The following ELMOD1 variants were observed in gnomAD, a reference collection of about 807,000 sequenced individuals.
ELMOD1 encodes ELMO domain containing 1.
In ELMOD1, 21 loss-of-function variants were observed where a neutral mutation model predicts 46.7. That is an observed-to-expected ratio of 0.45 (90% CI 0.32 to 0.65). The LOEUF is 0.65. Ranked by LOEUF, ELMOD1 falls within the 30% of genes least tolerant of loss-of-function variation. The pLI, the probability that ELMOD1 is intolerant of heterozygous loss-of-function variation, is 0.04. For synonymous variants in ELMOD1, 122 were observed against 138.2 expected (o/e 0.88, Z 0.82); for missense variants, 348 against 407.8 (o/e 0.85, Z 1.26).
chr11:107,609,003 G>A (rs1158774013), intron 1 of ELMOD1, among the ~76,000 whole-genome samples: 2 of 152,210 alleles, frequency 1.3e-5, no homozygotes, highest in African/African-American at 4.8e-5. Context: ...GAAAGGGTTT[G>A]AATCTCTGCC....
At chr11:107,655,573 CT>C (rs746890763) in intron 10 of ELMOD1, among the ~76,000 whole-genome samples, 111 of 112,424 alleles carry the variant, frequency 9.9e-4, no homozygotes, top group Middle Eastern at 0.011. Context: ...ATTGAAATGC[CT>C]TTTTTTTTTT....
chr11:107,659,431 T>C lies in ELMOD1; in HGVS notation c.832+3365T>C, dbSNP rs929072644. On this transcript the variant is annotated intron_variant, in intron 11 of 11. Coordinates refer to ENST00000265840, the MANE Select transcript of ELMOD1 (RefSeq NM_018712.4). ...AGTGGGCATTCTCATAATGTAGGGC[T>C]CTGGAGTGCTGAAGGATTAGAAAGG... Among the ~76,000 whole-genome samples the C allele has an allele frequency of 2.6e-4, 40 of 152,012 alleles. 1 individual carries two copies. The highest frequency in any genetic ancestry group is 9.7e-4 in the African/African-American group (40 of 41,384).
intron 1 of ELMOD1, among the ~76,000 whole-genome samples, chr11:107,601,310 C>T (rs907392991): frequency 4.0e-5 from 6 of 150,076 alleles, no homozygotes; most frequent in Admixed American, 2.0e-4. Flanking sequence ...TTTATTTTGA[C>T]AGTGTAAATT....
chr11:107,660,722 G>T (rs1866724829), intron 11 of ELMOD1, among the ~76,000 whole-genome samples: 1 of 152,168 alleles, frequency 6.6e-6, no homozygotes, highest in Admixed American at 6.5e-5. Context: ...TAATATCTGT[G>T]TTACCTACTC....
In ELMOD1 at chr11:107,630,275, T is replaced by C. The variant is rs1252064630; in HGVS notation, c.18-142T>C. On this transcript the variant is annotated intron_variant, in intron 2 of 11. Transcript: ENST00000265840. The stretch of plus-strand genomic sequence containing the variant: ...TGTAGCTACTGCAAATAAAGTAGCA[T>C]GGGACTAGAAACATATGTTAAGTAT... The C allele has an allele frequency of 6.1e-6, 4 of 651,948 alleles. No individual in the cohort carries two copies. In the East Asian group the frequency reaches 1.2e-4, roughly 19 times the overall value. 40.4% of individuals were successfully genotyped at this position (651,948 alleles called of 1,614,324 possible).
intron 7 of ELMOD1, 78 bp from the exon 8 acceptor site, chr11:107,650,257 C>T (rs61906391): frequency 0.02 from 21,042 of 1,042,432 alleles, 318 homozygotes; most frequent in South Asian, 0.034. Context: ...TTCAAAATGA[C>T]CTCGAATTGG....
intron 2 of ELMOD1, among the ~76,000 whole-genome samples, chr11:107,628,163 TTTTG>T (rs138049903): frequency 0.032 from 4,526 of 140,266 alleles, 234 homozygotes; most frequent in African/African-American, 0.11. Flanking sequence ...TGAGGGGTTT[TTTTG>T]TTTTGTTTTG....
chr11:107,647,657 T>C, intron 7 of ELMOD1, 56 bp downstream of exon 7: 1 of 1,547,904 alleles, frequency 6.5e-7, no homozygotes, highest in Non-Finnish European at 8.7e-7. Flanking sequence ...CTCCTCATAC[T>C]GAAATGGCAA....
At position 107,655,029 on chromosome 11, in the gene ELMOD1, A is replaced by C. The variant is rs1591137107; in HGVS notation, c.698+807A>C. Among the ~76,000 whole-genome samples, 5 of 152,172 alleles carry C rather than the reference A, an allele frequency of 3.3e-5. 1 individual carries two copies. The South Asian group carries it at 1.0e-3, about 31-fold the overall frequency. On this transcript the variant is annotated intron_variant, in intron 10 of 11. Transcript: ENST00000265840. ...ACACTGTGTTAAGATCCTTATTTAC[A>C]TTTTTCTCATCATAAAAGTAATTAC...
chr11:107,664,828 C>A (rs758567302), intron 11 of ELMOD1, among the ~76,000 whole-genome samples, 197 bp from the exon 12 acceptor site: 3 of 152,062 alleles, frequency 2.0e-5, no homozygotes, highest in Non-Finnish European at 2.9e-5. Flanking sequence ...AAAAAGCTTG[C>A]AGATTGGTAG....
intron 9 of ELMOD1, among the ~76,000 whole-genome samples, chr11:107,652,528 A>T (rs984442401): frequency 1.4e-4 from 21 of 152,256 alleles, no homozygotes; most frequent in African/African-American, 5.1e-4. Flanking sequence ...CAGATAGAGA[A>T]ATGATTTAAT....
chr11:107,606,662 GC>G (rs1417755368), intron 1 of ELMOD1, among the ~76,000 whole-genome samples: 1 of 151,978 alleles, frequency 6.6e-6, no homozygotes, highest in Non-Finnish European at 1.5e-5. Context: ...TGGTGAAACC[GC>G]GTCTCTACTA....
intron 1 of ELMOD1, among the ~76,000 whole-genome samples, chr11:107,615,857 TTA>T (rs1160516651): frequency 1.2e-4 from 18 of 151,978 alleles, no homozygotes; most frequent in African/African-American, 3.9e-4. Context: ...TAGACTGGGG[TTA>T]TATGTTTGGG....
At chr11:107,618,300 G>A in intron 2 of ELMOD1, 94 bp downstream of exon 2, 1 of 1,392,876 alleles carries the variant, frequency 7.2e-7, no homozygotes, top group Middle Eastern at 1.8e-4. Flanking sequence ...TTGTGATCCT[G>A]TGACCAGGAC....
At chr11:107,661,265 T>A (rs1866735949) in intron 11 of ELMOD1, among the ~76,000 whole-genome samples, 1 of 152,216 alleles carries the variant, frequency 6.6e-6, no homozygotes, top group Admixed American at 6.5e-5. Flanking sequence ...TTTCTATAAT[T>A]GTGTGTAAGG....
chr11:107,617,335 A>G (rs1865879580), intron 1 of ELMOD1, among the ~76,000 whole-genome samples: 1 of 152,194 alleles, frequency 6.6e-6, no homozygotes, highest in East Asian at 1.9e-4. Flanking sequence ...TTTCTGCTGC[A>G]GTGGATGTTC....
intron 2 of ELMOD1, among the ~76,000 whole-genome samples, chr11:107,626,457 C>T (rs928391300): frequency 4.0e-5 from 6 of 151,362 alleles, no homozygotes; most frequent in African/African-American, 1.5e-4. Context: ...TCCTTAAACT[C>T]AAATAAGAAA....
intron 1 of ELMOD1, among the ~76,000 whole-genome samples, chr11:107,596,388 A>G (rs911511437): frequency 2.6e-5 from 4 of 152,062 alleles, no homozygotes; most frequent in African/African-American, 9.7e-5. Flanking sequence ...GAATTAATCA[A>G]TCTTTGGAAT....
intron 2 of ELMOD1, among the ~76,000 whole-genome samples, chr11:107,619,496 C>T (rs1218510081): frequency 4.6e-5 from 7 of 152,070 alleles, no homozygotes; most frequent in African/African-American, 1.7e-4. Flanking sequence ...TAACAGAAAG[C>T]TTTAGTGTGA....
Sources: allele counts gnomAD v4.1 joint callset (sites outside exome capture counted in the v4.1 genomes callset), GRCh38; gene constraint gnomAD v4.1.1; transcripts MANE v1.5; gene names NCBI Gene and HGNC (gene_info 2026-07-23, HGNC 2026-07-21).